OSBPL10: variants seen among roughly 807,000 people sequenced by gnomAD.
OSBPL10 encodes the protein oxysterol-binding protein-related protein 10.
A neutral mutation model predicts 81.7 loss-of-function variants in OSBPL10; 49 were observed. The observed-to-expected ratio is 0.60, with a 90% CI of 0.48 to 0.76. The LOEUF is 0.76. OSBPL10 is among the 30% of genes least tolerant of loss of function. The probability of loss-of-function intolerance (pLI) is 0.00; values close to 1 mark genes in which losing one functional copy is unlikely to be tolerated. For missense variants in OSBPL10, 923 were observed against 987.8 expected (o/e 0.93, Z 0.88); for synonymous variants, 419 against 383.6 (o/e 1.09, Z -1.08).
intron 6 of OSBPL10, among the ~76,000 whole-genome samples, chr3:31,723,712 A>G (rs1696727478): frequency 6.6e-6 from 1 of 152,234 alleles, no homozygotes; most frequent in Non-Finnish European, 1.5e-5. Flanking sequence ...CAAAAGGGAT[A>G]CAAGAACTCA....
chr3:31,973,550 G>C (rs2125495244), intron 1 of OSBPL10, among the ~76,000 whole-genome samples: 1 of 152,154 alleles, frequency 6.6e-6, no homozygotes, highest in East Asian at 1.9e-4. Context: ...TAAATAACTT[G>C]CCCAAGGTCA....
At chr3:31,716,128 C>T (rs1696424600) in intron 6 of OSBPL10, among the ~76,000 whole-genome samples, 1 of 152,120 alleles carries the variant, frequency 6.6e-6, no homozygotes, top group Non-Finnish European at 1.5e-5. Flanking sequence ...AAGTCTAGGG[C>T]CCCCCTCCAG....
At chr3:31,768,819 T>G (rs1698275208) in intron 4 of OSBPL10, among the ~76,000 whole-genome samples, 1 of 152,212 alleles carries the variant, frequency 6.6e-6, no homozygotes, top group South Asian at 2.1e-4. Flanking sequence ...ATGCTAGATT[T>G]TAATCAAGCT....
intron 1 of OSBPL10, among the ~76,000 whole-genome samples, chr3:32,069,990 C>T (rs534473035): frequency 2.0e-4 from 31 of 152,308 alleles, no homozygotes; most frequent in African/African-American, 5.8e-4. Context: ...CTCACATCGC[C>T]GCTGCTTCTA....
intron 1 of OSBPL10, among the ~76,000 whole-genome samples, chr3:31,906,314 CAAT>C (rs1445393031): frequency 6.6e-6 from 1 of 152,122 alleles, no homozygotes; most frequent in African/African-American, 2.4e-5. Flanking sequence ...CTGTTATTAT[CAAT>C]AATATTATGA....
At position 31,840,916 on chromosome 3, in the gene OSBPL10, T is replaced by C. The variant is rs555300569; in HGVS notation, c.538-10685A>G. Among the ~76,000 whole-genome samples the C allele has an allele frequency of 4.6e-5, 7 of 152,342 alleles. No individual in the cohort carries two copies. In the East Asian group the frequency reaches 1.4e-3, roughly 29 times the overall value. Reference sequence around the variant, plus strand: ...CTTGTTGTTGTTGTTGTTGTTGTTTTGTTGTTTTTGAGACGGAGTTTCGCT... The same window carrying C: ...CTTGTTGTTGTTGTTGTTGTTGTTTCGTTGTTTTTGAGACGGAGTTTCGCT... On this transcript the variant is annotated intron_variant, in intron 3 of 11. Transcript: ENST00000396556.
chr3:31,982,665 C>G (rs1036157696), upstream of OSBPL10, among the ~76,000 whole-genome samples: 3 of 145,578 alleles, frequency 2.1e-5, no homozygotes, highest in Admixed American at 6.9e-5. Context: ...AAAAAAAAAT[C>G]TGAAAAGAGC....
At chr3:31,793,583 C>A (rs537411130) in intron 4 of OSBPL10, among the ~76,000 whole-genome samples, 27 of 152,216 alleles carry the variant, frequency 1.8e-4, no homozygotes, top group African/African-American at 6.5e-4. Context: ...CTTCTTGAAA[C>A]AAGATGAGCT....
intron 6 of OSBPL10, among the ~76,000 whole-genome samples, chr3:31,731,978 G>A (rs1427219059): frequency 1.3e-5 from 2 of 152,166 alleles, no homozygotes; most frequent in Non-Finnish European, 2.9e-5. Flanking sequence ...GTCAGAAATA[G>A]CATGAGCCAT....
At chr3:31,714,234 G>GT (rs977535382) in intron 6 of OSBPL10, among the ~76,000 whole-genome samples, 13 of 152,178 alleles carry the variant, frequency 8.5e-5, no homozygotes, top group Non-Finnish European at 1.8e-4. Flanking sequence ...CGGTATACAC[G>GT]TAAGGCTCTG....
In OSBPL10 at chr3:31,839,806, T is replaced by C. The variant is rs148611704; in HGVS notation, c.538-9575A>G. On this transcript the variant is annotated intron_variant, in intron 3 of 11. Transcript: ENST00000396556. ...GGGATGGGAGAGACTAGTTCCTGAA[T>C]TAGAAATTACAGACAACAGCCAGGC... Among the ~76,000 whole-genome samples the C allele has an allele frequency of 3.4e-3, 507 of 150,560 alleles. 4 individuals carry two copies. Among genetic ancestry groups the C allele is most frequent in the Non-Finnish European group, 5.1e-3 (348 of 67,680 alleles).
intron 6 of OSBPL10, chr3:31,709,069 TCAA>T (rs1206766767): frequency 7.1e-6 from 7 of 982,356 alleles, no homozygotes; most frequent in Non-Finnish European, 7.3e-6. Flanking sequence ...GGAGGTAGAT[TCAA>T]CAACGAGGCC....
At chr3:31,738,563 T>C (rs1342898783) in intron 5 of OSBPL10, among the ~76,000 whole-genome samples, 2 of 152,224 alleles carry the variant, frequency 1.3e-5, no homozygotes. Flanking sequence ...CCAACATTTA[T>C]TGAGCTCTTG....
chr3:31,939,363 T>A (rs1258201309), intron 1 of OSBPL10, among the ~76,000 whole-genome samples: 5 of 151,624 alleles, frequency 3.3e-5, no homozygotes, highest in Non-Finnish European at 7.4e-5. Context: ...CAGGTTGGTC[T>A]CAAACTCCTG....
chr3:31,926,288 T>TTCCCCCCCCCCCCC (rs1034706033), intron 1 of OSBPL10, among the ~76,000 whole-genome samples: 3 of 88,130 alleles, frequency 3.4e-5, no homozygotes, highest in African/African-American at 1.5e-4. Context: ...TGGGTGATTT[T>TTCCCCCCCCCCCCC]GCCCCCCCAG....
chr3:32,013,975 T>C (rs1699289176), intron 2 of OSBPL10, among the ~76,000 whole-genome samples: 1 of 152,100 alleles, frequency 6.6e-6, no homozygotes, highest in South Asian at 2.1e-4. Flanking sequence ...CCAAAAAAAG[T>C]ACAGGACCAG....
chr3:31,665,429 T>A (rs932261155), intron 10 of OSBPL10, among the ~76,000 whole-genome samples: 2 of 152,010 alleles, frequency 1.3e-5, no homozygotes, highest in Non-Finnish European at 2.9e-5. Flanking sequence ...CTACAGCGGG[T>A]GTCCTTAACC....
At chr3:31,840,977 C>T (rs748949647) in intron 3 of OSBPL10, among the ~76,000 whole-genome samples, 19 of 152,206 alleles carry the variant, frequency 1.2e-4, no homozygotes, top group African/African-American at 3.6e-4. Context: ...GGCGTGATCT[C>T]GGCTCACCAC....
chr3:31,801,874 G>C (rs1052252806), intron 4 of OSBPL10, among the ~76,000 whole-genome samples: 1 of 151,680 alleles, frequency 6.6e-6, no homozygotes, highest in Non-Finnish European at 1.5e-5. Context: ...CCAGGCTGAA[G>C]TGCAATGGCA....
Sources: allele counts gnomAD v4.1 joint callset (sites outside exome capture counted in the v4.1 genomes callset), GRCh38; gene constraint gnomAD v4.1.1; transcripts MANE v1.5; gene names NCBI Gene and HGNC (gene_info 2026-07-23, HGNC 2026-07-21).